CNTN5: variants seen among roughly 807,000 people sequenced by gnomAD.
CNTN5 encodes contactin-5.
CNTN5 carries 77 observed loss-of-function variants against 129.1 expected under a neutral mutation model. The ratio of observed to expected loss-of-function variants is 0.60; its 90% CI spans 0.50 to 0.72. The LOEUF is 0.72. Among genes scored for constraint, CNTN5 ranks in the 30% least tolerant of loss-of-function variants. CNTN5 has a pLI of 0.00. For missense variants in CNTN5, 1,478 were observed against 1,328.8 expected (o/e 1.11, Z -1.75); for synonymous variants, 509 against 465.6 (o/e 1.09, Z -1.20).
At chr11:99,447,415 T>C (rs374282142) in intron 2 of CNTN5, among the ~76,000 whole-genome samples, 2 of 152,310 alleles carry the variant, frequency 1.3e-5, no homozygotes, top group East Asian at 1.9e-4. Flanking sequence ...TCTTCTATCA[T>C]TGTGAGCATT....
At chr11:99,789,343 C>G (rs1057304172) in intron 3 of CNTN5, among the ~76,000 whole-genome samples, 1 of 151,822 alleles carries the variant, frequency 6.6e-6, no homozygotes, top group Non-Finnish European at 1.5e-5. Context: ...AGTAACTTCT[C>G]TAATGTAAGA....
chr11:99,370,750 A>T (rs1409999086), intron 2 of CNTN5, among the ~76,000 whole-genome samples: 1 of 152,212 alleles, frequency 6.6e-6, no homozygotes, highest in East Asian at 1.9e-4. Flanking sequence ...ACACATAATA[A>T]TTGGTGGTTA....
At chr11:99,858,106 A>T (rs1252222377) in intron 6 of CNTN5, among the ~76,000 whole-genome samples, 2 of 152,130 alleles carry the variant, frequency 1.3e-5, no homozygotes, top group East Asian at 3.9e-4. Flanking sequence ...GGCAATTATA[A>T]GAAAAAAATG....
intron 3 of CNTN5, among the ~76,000 whole-genome samples, chr11:99,742,546 T>C (rs929489184): frequency 6.6e-6 from 1 of 152,164 alleles, no homozygotes; most frequent in Non-Finnish European, 1.5e-5. Context: ...TCTCTTGGGC[T>C]TTTTCTAGCT....
At chr11:99,594,898 C>T (rs1433055459) in intron 3 of CNTN5, among the ~76,000 whole-genome samples, 1 of 152,132 alleles carries the variant, frequency 6.6e-6, no homozygotes, top group African/African-American at 2.4e-5. Flanking sequence ...GGACTGTTTC[C>T]ATCATTATTC....
At chr11:99,685,792 T>C (rs1565425778) in intron 3 of CNTN5, among the ~76,000 whole-genome samples, 1 of 152,046 alleles carries the variant, frequency 6.6e-6, no homozygotes, top group Non-Finnish European at 1.5e-5. Flanking sequence ...ATTTTCTGTT[T>C]AATTTCCTAC....
chr11:100,186,796 T>C (rs1948313053), intron 13 of CNTN5, among the ~76,000 whole-genome samples: 1 of 152,158 alleles, frequency 6.6e-6, no homozygotes, highest in South Asian at 2.1e-4. Flanking sequence ...CACATGGTAA[T>C]AGCAGAGGAA....
intron 16 of CNTN5, among the ~76,000 whole-genome samples, chr11:100,231,673 C>T (rs1037588196): frequency 1.3e-5 from 2 of 152,112 alleles, no homozygotes; most frequent in African/African-American, 4.8e-5. Flanking sequence ...TTCATGATCA[C>T]GTTTATATAA....
chr11:99,335,042 C>G (rs139957706), intron 2 of CNTN5, among the ~76,000 whole-genome samples: 1 of 152,262 alleles, frequency 6.6e-6, no homozygotes, highest in Admixed American at 6.5e-5. Context: ...GTCGTATTCA[C>G]TGGCACCAGA....
intron 1 of CNTN5, among the ~76,000 whole-genome samples, chr11:99,219,406 A>C (rs1388278103): frequency 6.6e-6 from 1 of 151,924 alleles, no homozygotes; most frequent in African/African-American, 2.4e-5. Flanking sequence ...AATTGTGAGC[A>C]AGGAGGTGGA....
intron 3 of CNTN5, among the ~76,000 whole-genome samples, chr11:99,573,666 T>C (rs1026102793): frequency 6.6e-5 from 10 of 152,066 alleles, no homozygotes; most frequent in African/African-American, 2.4e-4. Context: ...AGTCTCGCTC[T>C]ATTGCCAGGC....
chr11:99,032,775 G>C (rs1434873981), intron 1 of CNTN5, among the ~76,000 whole-genome samples: 46 of 149,028 alleles, frequency 3.1e-4, no homozygotes, highest in Non-Finnish European at 5.6e-4. Flanking sequence ...AGTTTAATTA[G>C]ATCCCATATG....
chr11:99,592,050 G>A (rs999411424), intron 3 of CNTN5, among the ~76,000 whole-genome samples: 1 of 152,184 alleles, frequency 6.6e-6, no homozygotes, highest in Non-Finnish European at 1.5e-5. Flanking sequence ...TTACTAAAGG[G>A]TGAAGATTGG....
At chr11:99,034,781 C>G (rs1249148566) in intron 1 of CNTN5, among the ~76,000 whole-genome samples, 1 of 151,878 alleles carries the variant, frequency 6.6e-6, no homozygotes, top group East Asian at 1.9e-4. Context: ...CAGTTCTGCT[C>G]TGATTTTAGT....
chr11:100,286,208 T>A (rs910095303), intron 18 of CNTN5, among the ~76,000 whole-genome samples: 1 of 152,182 alleles, frequency 6.6e-6, no homozygotes, highest in African/African-American at 2.4e-5. Flanking sequence ...CAGGCTTGCT[T>A]AGGTAAACAA....
intron 4 of CNTN5, among the ~76,000 whole-genome samples, chr11:99,833,742 A>T (rs1003267021): frequency 1.3e-5 from 2 of 152,166 alleles, no homozygotes; most frequent in Non-Finnish European, 2.9e-5. Flanking sequence ...GTCATAATTT[A>T]TAATAGAACT....
At chr11:99,963,100 C>T (rs1036306560) in intron 8 of CNTN5, among the ~76,000 whole-genome samples, 59 of 152,280 alleles carry the variant, frequency 3.9e-4, no homozygotes, top group African/African-American at 4.8e-4. Context: ...TTCTCCCATT[C>T]TGTAGGTTGC....
intron 6 of CNTN5, among the ~76,000 whole-genome samples, chr11:99,851,153 A>G (rs1947861874): frequency 6.6e-6 from 1 of 152,118 alleles, no homozygotes; most frequent in Admixed American, 6.6e-5. Context: ...CCCATAAATA[A>G]ATATTTATAT....
At chr11:100,096,781 G>A (rs1219175766) in intron 13 of CNTN5, among the ~76,000 whole-genome samples, 1 of 152,000 alleles carries the variant, frequency 6.6e-6, no homozygotes, top group Non-Finnish European at 1.5e-5. Flanking sequence ...TTTGGCCTGG[G>A]GACCAATAAT....
Sources: allele counts gnomAD v4.1 joint callset (sites outside exome capture counted in the v4.1 genomes callset), GRCh38; gene constraint gnomAD v4.1.1; transcripts MANE v1.5; gene names NCBI Gene and HGNC (gene_info 2026-07-23, HGNC 2026-07-21).